Variants in EHD4 observed in about 807,000 individuals in gnomAD.
EHD4 encodes the protein EH domain-containing protein 4.
Under a neutral mutation model 51.0 loss-of-function variants are expected in EHD4, and 37 were observed. That is an observed-to-expected ratio of 0.73 (90% CI 0.56 to 0.95). The LOEUF (loss-of-function observed/expected upper bound fraction) is 0.95, where lower values mean the gene tolerates loss of function less well. Ranked by LOEUF, EHD4 falls within the 40% of genes least tolerant of loss-of-function variation. The pLI, the probability that EHD4 is intolerant of heterozygous loss-of-function variation, is 0.00. For synonymous variants in EHD4, 297 were observed against 317.3 expected (o/e 0.94, Z 0.68); for missense variants, 632 against 733.1 (o/e 0.86, Z 1.59).
chr15:41,900,985 T>C lies in EHD4; in HGVS notation c.1286A>G (p.Tyr429Cys), dbSNP rs773141685. The C allele has an allele frequency of 6.2e-7, 1 of 1,610,020 alleles. No individual in the cohort carries two copies. The highest frequency in any genetic ancestry group is 1.1e-5 in the South Asian group (1 of 90,938). ...GTTEGPFNQG[Y>C]GEGAKEGADE... ...GGCGCCCTCCTTGGCACCCTCCCCG[T>C]AGCCCTGGTTGAAGGGGCCCTCGGT... Residue 429 changes from tyrosine to cysteine, a missense_variant, in exon 6 of 6, where the codon TAC becomes TGC. Tyr to Cys is a radical substitution (Grantham distance 194). Transcript: ENST00000220325. The surrounding 1 kb of genome is among the most constrained non-coding windows in gnomAD (Gnocchi z 4.8).
intron 3 of EHD4, among the ~76,000 whole-genome samples, chr15:41,924,748 C>G (rs538115209): frequency 6.6e-6 from 1 of 152,212 alleles, no homozygotes; most frequent in South Asian, 2.1e-4. Context: ...GCAAATATGT[C>G]AAATTCACCA....
intron 5 of EHD4, 65 bp downstream of exon 5, chr15:41,909,634 C>A: frequency 6.3e-7 from 1 of 1,582,468 alleles, no homozygotes; most frequent in Non-Finnish European, 8.7e-7. Context: ...CTCCAGCAAA[C>A]AGCCAGACAA....
Position 41,933,411 on chromosome 15 carries a change from G to A in EHD4, c.511+9656C>T, listed in dbSNP as rs78286792. On this transcript the variant is annotated intron_variant, in intron 3 of 5. Coordinates refer to ENST00000220325, the MANE Select transcript of EHD4 (RefSeq NM_139265.4). ...ATGAACACAGATCATTCAGATTCTC[G>A]TAAGATCCCACTGTACGAGAGAAAG... Among the ~76,000 whole-genome samples the A allele has an allele frequency of 2.3e-4, 35 of 152,262 alleles. 1 individual carries two copies. The East Asian group carries it at 6.8e-3, about 29-fold the overall frequency.
At chr15:41,971,424 T>G (rs2067994399) in intron 1 of EHD4, among the ~76,000 whole-genome samples, 1 of 152,206 alleles carries the variant, frequency 6.6e-6, no homozygotes, top group Non-Finnish European at 1.5e-5. Context: ...ATAAAACAGG[T>G]GATCAACAAA....
intron 3 of EHD4, among the ~76,000 whole-genome samples, chr15:41,934,421 T>G (rs1049219550): frequency 3.3e-5 from 5 of 151,790 alleles, no homozygotes; most frequent in Non-Finnish European, 4.4e-5. Context: ...GGCTCAAGGT[T>G]CTCTTGCCTC....
intron 1 of EHD4, among the ~76,000 whole-genome samples, chr15:41,967,661 G>T (rs1388733611): frequency 6.6e-6 from 1 of 152,104 alleles, no homozygotes; most frequent in Non-Finnish European, 1.5e-5. Context: ...GATGAACCAG[G>T]CTGCCTATTA....
At chr15:41,933,986 C>T (rs2067715128) in intron 3 of EHD4, among the ~76,000 whole-genome samples, 1 of 152,100 alleles carries the variant, frequency 6.6e-6, no homozygotes, top group Admixed American at 6.5e-5. Context: ...CAAAGCCCTG[C>T]CCTGGAAGGA....
chr15:41,966,425 C>T (rs2067962396), intron 1 of EHD4, among the ~76,000 whole-genome samples: 1 of 152,190 alleles, frequency 6.6e-6, no homozygotes, highest in Non-Finnish European at 1.5e-5. Context: ...GCAGCATCCT[C>T]AGGAGCTGCC....
chr15:41,972,553 G>A lies in EHD4; in HGVS notation c.-59C>T. The A allele has an allele frequency of 1.4e-6, 2 of 1,399,458 alleles. No homozygotes were observed. Among genetic ancestry groups the A allele is most frequent in the Non-Finnish European group, 1.8e-6 (2 of 1,084,698 alleles). 86.7% of individuals were successfully genotyped at this position (1,399,458 alleles called of 1,614,324 possible). ...CTCCGGGTTCGACTCTCCCCGGCTC[G>A]CACTGAGCCGCCCCGGCCGCGCTGG... is the stretch of plus-strand genomic sequence containing the variant. On this transcript the variant is annotated 5_prime_UTR_variant, in exon 1 of 6. Coordinates refer to ENST00000220325, the MANE Select transcript of EHD4 (RefSeq NM_139265.4).
At chr15:41,943,031 A>G in intron 3 of EHD4, 36 bp downstream of exon 3, 1 of 1,511,210 alleles carries the variant, frequency 6.6e-7, no homozygotes, top group Non-Finnish European at 9.0e-7. Flanking sequence ...GGCCTCAGCC[A>G]GCACTTGGTG....
At chr15:41,942,611 A>G in intron 3 of EHD4, 1 of 162,470 alleles carries the variant, frequency 6.2e-6, no homozygotes, top group South Asian at 1.7e-4. Context: ...TGTCTTGTGA[A>G]GGCTGGAGAA....
At chr15:41,940,816 G>A (rs796210622) in intron 3 of EHD4, among the ~76,000 whole-genome samples, 1 of 152,200 alleles carries the variant, frequency 6.6e-6, no homozygotes, top group African/African-American at 2.4e-5. Flanking sequence ...CAGTTTGAAA[G>A]ACACGATTAC....
In EHD4 at chr15:41,896,853, C is replaced by T. The variant is rs1162729524; in HGVS notation, c.*3792G>A. 1 of 152,226 alleles carries T rather than the reference C, an allele frequency of 6.6e-6. No individual in the cohort carries two copies. The highest frequency in any genetic ancestry group is 2.4e-5 in the African/African-American group (1 of 41,460). 9.4% of individuals were successfully genotyped at this position (152,226 alleles called of 1,614,324 possible). ...GTCCCCACCTGATGGGGCCGCTTTC[C>T]TTCTGAAGCGGCTGCATTTTGGGTT... On this transcript the variant is annotated 3_prime_UTR_variant, in exon 6 of 6. Coordinates refer to ENST00000220325, the MANE Select transcript of EHD4 (RefSeq NM_139265.4).
intron 3 of EHD4, among the ~76,000 whole-genome samples, chr15:41,924,274 T>C (rs1323626613): frequency 6.6e-6 from 1 of 152,236 alleles, no homozygotes; most frequent in African/African-American, 2.4e-5. Context: ...GTCTTCATCA[T>C]GGTCACACAA....
chr15:41,958,153 C>G (rs1259767512), intron 1 of EHD4, among the ~76,000 whole-genome samples: 1 of 152,022 alleles, frequency 6.6e-6, no homozygotes, highest in African/African-American at 2.4e-5. Context: ...TGATTCAGAG[C>G]TGATTAGCCC....
chr15:41,916,736 G>A (rs944388283), intron 4 of EHD4, among the ~76,000 whole-genome samples: 5 of 152,274 alleles, frequency 3.3e-5, no homozygotes, highest in African/African-American at 7.2e-5. Context: ...GGGTGAGCCC[G>A]CTTCCTGTCC....
intron 1 of EHD4, among the ~76,000 whole-genome samples, chr15:41,963,740 G>C (rs1033528882): frequency 6.6e-6 from 1 of 152,022 alleles, no homozygotes; most frequent in African/African-American, 2.4e-5. Context: ...TATCTGCATG[G>C]AAAAACTATT....
chr15:41,943,883 A>C (rs1245662363), intron 2 of EHD4, among the ~76,000 whole-genome samples: 4 of 152,192 alleles, frequency 2.6e-5, no homozygotes, highest in Non-Finnish European at 5.9e-5. Context: ...GACACCCAAC[A>C]TCCTCCAGGT....
intron 5 of EHD4, among the ~76,000 whole-genome samples, chr15:41,905,831 T>C (rs1343848163): frequency 6.6e-6 from 1 of 152,134 alleles, no homozygotes; most frequent in Non-Finnish European, 1.5e-5. Flanking sequence ...CAACCACACC[T>C]GGCTAATTTT....
Sources: gnomAD v4.1 joint callset for allele counts (sites outside exome capture counted in the v4.1 genomes callset) on GRCh38, gnomAD v4.1.1 for gene constraint, Gnocchi (gnomAD v3.1) non-coding constraint, MANE v1.5 for transcripts, NCBI Gene and HGNC (gene_info 2026-07-23, HGNC 2026-07-21) for gene names.